The following SLC9A7 variants were observed in gnomAD, a reference collection of about 807,000 sequenced individuals.
SLC9A7 encodes the protein sodium/hydrogen exchanger 7.
Under a neutral mutation model 52.6 loss-of-function variants are expected in SLC9A7, and 19 were observed. The ratio of observed to expected loss-of-function variants is 0.36; its 90% CI spans 0.25 to 0.53. The LOEUF (loss-of-function observed/expected upper bound fraction) is 0.53, where lower values mean the gene tolerates loss of function less well. Ranked by LOEUF, SLC9A7 falls within the 20% of genes least tolerant of loss-of-function variation. The probability of loss-of-function intolerance (pLI) is 0.91; values close to 1 mark genes in which losing one functional copy is unlikely to be tolerated. For missense variants in SLC9A7, 455 were observed against 597.9 expected, an observed-to-expected ratio of 0.76 and a Z score of 2.49; for synonymous variants, 226 against 252.1, an observed-to-expected ratio of 0.90 and a Z score of 0.98.
At position 46,648,671 on chromosome X, in the gene SLC9A7, C is replaced by T. The variant is rs1159159184; in HGVS notation, c.1462+15G>A. The T allele has an allele frequency of 1.8e-6, 2 of 1,130,593 alleles. No individual in the cohort carries two copies. The highest frequency in any genetic ancestry group is 2.4e-6 in the Non-Finnish European group (2 of 821,960). The allele number at this position is 1,130,593 out of a possible 1,213,427, so 93.2% of individuals were successfully genotyped here. A position where few individuals can be genotyped will look rare whatever the true frequency, so the allele number is the denominator to read the frequency against. ...CTGAATAAAACTCATTTTCTTTACA[C>T]TTACGCCTTTTTACCTGAAAACATC... On this transcript the variant is annotated intron_variant, in intron 11 of 16. Transcript: ENST00000616978.
At chrX:46,623,367 C>A (rs1404790013) in intron 14 of SLC9A7, among the ~76,000 whole-genome samples, 1 of 111,850 alleles carries the variant, frequency 8.9e-6, no homozygotes, top group Non-Finnish European at 1.9e-5. Context: ...CTCCTCAAAA[C>A]CTGGGTTCGC....
intron 11 of SLC9A7, chrX:46,647,247 G>A: frequency 5.3e-6 from 1 of 188,985 alleles, no homozygotes; most frequent in Non-Finnish European, 1.0e-5. Context: ...CCGGGCTCAG[G>A]GCGGTGTCCT....
intron 12 of SLC9A7, 115 bp from the exon 13 acceptor site, chrX:46,635,763 A>T (rs961057602): frequency 1.9e-6 from 1 of 525,841 alleles, no homozygotes; most frequent in Non-Finnish European, 3.2e-6. Context: ...TTCAATATGA[A>T]TCCATATCTT....
At chrX:46,672,665 T>A in intron 3 of SLC9A7, 38 bp from the exon 4 acceptor site, 1 of 1,026,048 alleles carries the variant, frequency 9.7e-7, no homozygotes, top group Non-Finnish European at 1.4e-6. Flanking sequence ...GGAATCACAT[T>A]GTGATTTTCA....
intron 7 of SLC9A7, among the ~76,000 whole-genome samples, chrX:46,660,064 C>T (rs1170686740): frequency 1.9e-5 from 2 of 107,302 alleles, no homozygotes; most frequent in African/African-American, 3.4e-5. Context: ...GAAATAATGC[C>T]GCATATCTAC....
chrX:46,690,428 C>T (rs1391470520), intron 1 of SLC9A7, among the ~76,000 whole-genome samples: 1 of 112,154 alleles, frequency 8.9e-6, no homozygotes, highest in Non-Finnish European at 1.9e-5. Context: ...ATTTTAAAAA[C>T]TGGGTTGTTT....
intron 1 of SLC9A7, among the ~76,000 whole-genome samples, chrX:46,732,877 C>A (rs1402079394): frequency 9.0e-6 from 1 of 111,720 alleles, no homozygotes; most frequent in African/African-American, 3.3e-5. Flanking sequence ...TAGAATACCA[C>A]GCAGCTATGA....
At chrX:46,719,299 TG>T (rs1944822404) in intron 1 of SLC9A7, among the ~76,000 whole-genome samples, 1 of 27,699 alleles carries the variant, frequency 3.6e-5, no homozygotes. Flanking sequence ...TGTCGTGGGG[TG>T]GGGGGAGGGG....
Position 46,751,587 on chromosome X carries a change from G to A in SLC9A7, c.325+7118C>T, listed in dbSNP as rs1398459387. 6.3e-5 allele frequency among the ~76,000 whole-genome samples: 7 copies of A among 111,320 alleles called. No homozygotes were observed. In the Admixed American group the frequency reaches 6.7e-4, roughly 11 times the overall value. ...TTTTAGGAAGCCGAGGCAGGTGGATGGCTTGAGCGCAGGAGTTCGAAATCA... is the reference window on the plus strand; with the variant it reads ...TTTTAGGAAGCCGAGGCAGGTGGATAGCTTGAGCGCAGGAGTTCGAAATCA... On this transcript the variant is annotated intron_variant, in intron 1 of 16. Coordinates refer to ENST00000616978, the MANE Select transcript of SLC9A7 (RefSeq NM_001257291.2).
intron 1 of SLC9A7, among the ~76,000 whole-genome samples, chrX:46,727,642 ACAAATAGTCAG>A (rs1489042753): frequency 8.9e-6 from 1 of 112,276 alleles, no homozygotes; most frequent in East Asian, 2.8e-4. Context: ...TCCCTGTACA[ACAAATAGTCAG>A]CAAATGCTTG....
chrX:46,752,064 A>G (rs1256152921), intron 1 of SLC9A7, among the ~76,000 whole-genome samples: 1 of 112,193 alleles, frequency 8.9e-6, no homozygotes, highest in Non-Finnish European at 1.9e-5. Context: ...AGTTGAAAGA[A>G]GAGTATATAA....
At chrX:46,734,720 GT>G (rs1945095001) in intron 1 of SLC9A7, among the ~76,000 whole-genome samples, 1 of 109,556 alleles carries the variant, frequency 9.1e-6, no homozygotes, top group Admixed American at 9.8e-5. Flanking sequence ...CACACTTATT[GT>G]TTTTTTAAAT....
rs1409755410 is a variant in SLC9A7 at position 46,603,710 on chromosome X, G to A, written c.*3242C>T. The A allele has an allele frequency of 9.0e-6, 1 of 111,553 alleles. No individual in the cohort carries two copies. Among genetic ancestry groups the A allele is most frequent in the Non-Finnish European group, 1.9e-5 (1 of 53,132 alleles). The allele number at this position is 111,553 out of a possible 1,213,427, so 9.2% of individuals were successfully genotyped here. ...AAAAATTAGCTGGGTGTGGTGGCAT[G>A]TGCCTGTAATCCCAGCTACTCGGGA... On this transcript the variant is annotated 3_prime_UTR_variant, in exon 17 of 17. Transcript: ENST00000616978.
At chrX:46,612,693 C>T (rs781000290) in intron 16 of SLC9A7, among the ~76,000 whole-genome samples, 5 of 108,795 alleles carry the variant, frequency 4.6e-5, no homozygotes, top group Admixed American at 9.9e-5. Flanking sequence ...TTTGGGAGGC[C>T]GAGGTGGGTG....
Position 46,600,926 on chromosome X carries a change from G to T in SLC9A7, c.*6026C>A, listed in dbSNP as rs939122646. On this transcript the variant is annotated 3_prime_UTR_variant, in exon 17 of 17. Transcript: ENST00000616978. Reference sequence around the variant, plus strand: ...CTTACTGTATCAGAATGTAGCAGCCGACACTGGCAATCCAGAGTGTCAGTT... The same window carrying T: ...CTTACTGTATCAGAATGTAGCAGCCTACACTGGCAATCCAGAGTGTCAGTT... 3 of 111,680 alleles carry T rather than the reference G, an allele frequency of 2.7e-5. No homozygotes were observed. The highest frequency in any genetic ancestry group is 3.8e-5 in the Non-Finnish European group (2 of 53,200). 9.2% of individuals were successfully genotyped at this position (111,680 alleles called of 1,213,427 possible).
At chrX:46,706,224 C>T (rs1168799154) in intron 1 of SLC9A7, among the ~76,000 whole-genome samples, 2 of 99,268 alleles carry the variant, frequency 2.0e-5, no homozygotes, top group African/African-American at 3.7e-5. Context: ...AAAGTAGTTG[C>T]GGCTTTTGCC....
At position 46,606,671 on chromosome X, in the gene SLC9A7, A is replaced by G. The variant is rs1942748372; in HGVS notation, c.*281T>C. ...CTGCAGGTGAATGAATTAGGAGACC[A>G]TTAAAGCATGCTATTTTTTTTTGTT... On this transcript the variant is annotated 3_prime_UTR_variant, in exon 17 of 17. Coordinates refer to ENST00000616978, the MANE Select transcript of SLC9A7 (RefSeq NM_001257291.2). 9.9e-7 allele frequency: 1 copy of G among 1,006,770 alleles called. No homozygotes were observed. Among genetic ancestry groups the G allele is most frequent in the African/African-American group, 1.9e-5 (1 of 51,529 alleles). 83.0% of individuals were successfully genotyped at this position (1,006,770 alleles called of 1,213,427 possible).
rs1390468654 is a variant in SLC9A7, at chrX:46,606,662, T to C, written c.*290A>G. The C allele has an allele frequency of 3.0e-6, 3 of 992,402 alleles. No individual in the cohort carries two copies. The African/African-American group carries it at 5.9e-5, about 19-fold the overall frequency. The allele number at this position is 992,402 out of a possible 1,213,427, so 81.8% of individuals were successfully genotyped here. ...GTTCAGATACTGCAGGTGAATGAAT[T>C]AGGAGACCATTAAAGCATGCTATTT... On this transcript the variant is annotated 3_prime_UTR_variant, in exon 17 of 17. Coordinates refer to ENST00000616978, the MANE Select transcript of SLC9A7 (RefSeq NM_001257291.2).
chrX:46,699,146 C>T (rs1342039761), intron 1 of SLC9A7, among the ~76,000 whole-genome samples: 1 of 111,915 alleles, frequency 8.9e-6, no homozygotes, highest in Non-Finnish European at 1.9e-5. Context: ...TCATGTGATT[C>T]AAAATACACC....
Sources: allele counts gnomAD v4.1 joint callset (sites outside exome capture counted in the v4.1 genomes callset), GRCh38; gene constraint gnomAD v4.1.1; transcripts MANE v1.5; gene names NCBI Gene and HGNC (gene_info 2026-07-23, HGNC 2026-07-21).